Variants in AVEN observed in about 807,000 individuals in gnomAD.
AVEN encodes apoptosis and caspase activation inhibitor, also known as cell death regulator Aven.
In AVEN, 41 loss-of-function variants were observed where a neutral mutation model predicts 38.1. The observed-to-expected ratio is 1.08, with a 90% CI of 0.84 to 1.40. The LOEUF is 1.40. Among genes scored for constraint, AVEN ranks in the 40% most tolerant of loss-of-function variants. The pLI is 0.00. For missense variants in AVEN, 605 were observed against 438.8 expected, an observed-to-expected ratio of 1.38 and a Z score of -3.38; for synonymous variants, 206 against 171.8, an observed-to-expected ratio of 1.20 and a Z score of -1.56.
At chr15:34,012,286 A>T (rs1229747891) in intron 1 of AVEN, among the ~76,000 whole-genome samples, 1 of 152,210 alleles carries the variant, frequency 6.6e-6, no homozygotes, top group Non-Finnish European at 1.5e-5. Context: ...ACAGACACAC[A>T]CAATAAGTAG....
In AVEN at chr15:33,875,774, C is replaced by A. The variant is rs1433842190; in HGVS notation, c.516+151G>T. On this transcript the variant is annotated intron_variant, in intron 3 of 5. Transcript: ENST00000306730. ...TTCAAGGACCTGTGGAATTTCAGCC[C>A]CCTGAAAATTTTCTGAAAAGTTTAG... 9.1e-6 allele frequency: 6 copies of A among 656,692 alleles called. No individual in the cohort carries two copies. The South Asian group carries it at 1.3e-4, about 15-fold the overall frequency. 40.7% of individuals were successfully genotyped at this position (656,692 alleles called of 1,614,324 possible). A position where few individuals can be genotyped will look rare whatever the true frequency, so the allele number is the denominator to read the frequency against.
At chr15:34,058,390 T>A (rs75643912) in intron 5 of AVEN, among the ~76,000 whole-genome samples, 2,131 of 152,042 alleles carry the variant, frequency 0.014, 62 homozygotes, top group African/African-American at 0.048. Context: ...CAAACCAGAA[T>A]AAAAATCAAA....
chr15:33,998,630 A>G (rs977727328), intron 2 of AVEN, among the ~76,000 whole-genome samples: 4 of 152,216 alleles, frequency 2.6e-5, no homozygotes, highest in Non-Finnish European at 5.9e-5. Flanking sequence ...AATTTATGCC[A>G]CCACTCCAAC....
chr15:34,073,989 C>CCTTT (rs1900686778), intron 1 of AVEN, among the ~76,000 whole-genome samples: 1 of 31,474 alleles, frequency 3.2e-5, no homozygotes, highest in African/African-American at 6.6e-5. Context: ...TCTTCTTCTT[C>CCTTT]TTTTTTTTTT....
At chr15:33,890,471 T>C (rs1402311168) in intron 2 of AVEN, among the ~76,000 whole-genome samples, 1 of 152,022 alleles carries the variant, frequency 6.6e-6, no homozygotes, top group Non-Finnish European at 1.5e-5. Context: ...TGAACATCAG[T>C]AGTCTATGTG....
intron 5 of AVEN, 89 bp downstream of exon 5, chr15:33,867,406 G>T: frequency 4.7e-6 from 7 of 1,478,708 alleles, no homozygotes; most frequent in Non-Finnish European, 6.3e-6. Flanking sequence ...CAGACACCCA[G>T]AGGGATGTGT....
chr15:33,978,144 C>T (rs1360389910), intron 2 of AVEN, among the ~76,000 whole-genome samples: 1 of 152,080 alleles, frequency 6.6e-6, no homozygotes, highest in Non-Finnish European at 1.5e-5. Flanking sequence ...AAAACCTTAG[C>T]GATCCAAGTA....
chr15:33,995,715 C>T (rs1441108861), intron 2 of AVEN, among the ~76,000 whole-genome samples: 1 of 152,208 alleles, frequency 6.6e-6, no homozygotes. Flanking sequence ...ATTAGTGGGA[C>T]ATTATATCAT....
At chr15:33,859,842 G>A (rs185166710) in intron 11 of AVEN, 151 of 1,210,288 alleles carry the variant, frequency 1.2e-4, no homozygotes, top group Middle Eastern at 8.5e-4. Context: ...TCATTTACTT[G>A]TTAATTTAGC....
At chr15:34,065,533 C>T (rs1294640181) in intron 4 of AVEN, 1 of 152,080 alleles carries the variant, frequency 6.6e-6, no homozygotes, top group African/African-American at 2.4e-5. Flanking sequence ...TATTCCTCTC[C>T]AAATTCGGTC....
chr15:33,866,396 C>CTATT lies in AVEN; in HGVS notation c.*213_*216dup, dbSNP rs1555501790. 2 of 573,822 alleles carry CTATT rather than the reference C, an allele frequency of 3.5e-6. No homozygotes were observed. Among genetic ancestry groups the CTATT allele is most frequent in the African/African-American group, 3.7e-5 (2 of 53,404 alleles). The allele number at this position is 573,822 out of a possible 1,614,324, so 35.5% of individuals were successfully genotyped here. On this transcript the variant is annotated 3_prime_UTR_variant, in exon 6 of 6. Transcript: ENST00000306730. ...GTCTATCTCCTGCCCTTAAGGAAAT[C>CTATT]TATTAGATTACTAAGCCAGAAAAAC...
chr15:33,889,907 G>A (rs1288624726), intron 2 of AVEN, among the ~76,000 whole-genome samples: 1 of 152,180 alleles, frequency 6.6e-6, no homozygotes, highest in East Asian at 1.9e-4. Flanking sequence ...TCCTGAAAAT[G>A]ATGTGCAAAC....
chr15:33,995,239 G>C (rs1342333909), intron 2 of AVEN, among the ~76,000 whole-genome samples: 2 of 152,056 alleles, frequency 1.3e-5, no homozygotes, highest in Admixed American at 1.3e-4. Context: ...ACTCCAGCCT[G>C]GGTGACAGAG....
chr15:33,895,281 A>T lies in AVEN; in HGVS notation c.446-19286T>A, dbSNP rs115455083. ...ATGGTTTATATTTTCTACTTCAGAGATACTTTTTGAACAACTCAGACACTG... is the reference window on the plus strand; with the variant it reads ...ATGGTTTATATTTTCTACTTCAGAGTTACTTTTTGAACAACTCAGACACTG... On this transcript the variant is annotated intron_variant, in intron 2 of 5. Coordinates refer to ENST00000306730, the MANE Select transcript of AVEN (RefSeq NM_020371.3). 5.5e-3 allele frequency among the ~76,000 whole-genome samples: 221 copies of T among 39,990 alleles called. 2 individuals carry two copies. The highest frequency in any genetic ancestry group is 0.035 in the Non-Finnish European group (122 of 3,508). 26.2% of individuals were successfully genotyped at this position (39,990 alleles called of 152,430 possible).
rs1338846374 is a variant in AVEN at position 33,866,699 on chromosome 15, TTTC to T, written c.1000_1002del (p.Glu334del). 1.9e-6 allele frequency: 3 copies of T among 1,614,042 alleles called. No individual in the cohort carries two copies. In the African/African-American group the frequency reaches 4.0e-5, roughly 22 times the overall value. Reference sequence around the variant, plus strand: ...CTTGGTTGCTCAGGTTCCATGTTTTTTTCTTCAGTCACAGATGGTTTTGCACAA... The same window carrying T: ...CTTGGTTGCTCAGGTTCCATGTTTTTTTCAGTCACAGATGGTTTTGCACAA... On this transcript the variant is annotated inframe_deletion, in exon 6 of 6. Coordinates refer to ENST00000306730, the MANE Select transcript of AVEN (RefSeq NM_020371.3).
chr15:33,888,242 G>C (rs947670678), intron 2 of AVEN, among the ~76,000 whole-genome samples: 1 of 152,136 alleles, frequency 6.6e-6, no homozygotes, highest in Non-Finnish European at 1.5e-5. Context: ...AATGAGTTAA[G>C]GATCACATAA....
rs372225559 is a variant in AVEN, at chr15:34,012,791, AG to A, written c.268-9583del. Among the ~76,000 whole-genome samples, 34 of 152,358 alleles carry A rather than the reference AG, an allele frequency of 2.2e-4. 1 individual carries two copies. In the East Asian group the frequency reaches 5.6e-3, roughly 25 times the overall value. On this transcript the variant is annotated intron_variant, in intron 1 of 5. Transcript: ENST00000306730. ...TTACTGAACTAGAAGGAACCTAGAT[AG>A]GTCAAGCCTCTGCCCTCAAGCAAGA... is the stretch of plus-strand genomic sequence containing the variant.
intron 3 of AVEN, among the ~76,000 whole-genome samples, chr15:33,871,991 G>C (rs996232001): frequency 6.6e-6 from 1 of 152,108 alleles, no homozygotes; most frequent in Non-Finnish European, 1.5e-5. Context: ...CATTATTTTT[G>C]CCTGGGTAAC....
intron 2 of AVEN, chr15:33,991,045 A>G (rs1373263765): frequency 6.6e-6 from 1 of 152,242 alleles, no homozygotes; most frequent in African/African-American, 2.4e-5. Flanking sequence ...ATCCATTCAT[A>G]TGAAAGGCTT....
Sources: allele counts gnomAD v4.1 joint callset (sites outside exome capture counted in the v4.1 genomes callset), GRCh38; gene constraint gnomAD v4.1.1; transcripts MANE v1.5; gene names NCBI Gene and HGNC (gene_info 2026-07-23, HGNC 2026-07-21).